Variants in ATAD2B observed in about 807,000 individuals in gnomAD.
ATAD2B encodes ATPase family AAA domain containing 2B, also known as ATPase family AAA domain-containing protein 2B.
ATAD2B carries 40 observed loss-of-function variants against 167.6 expected under a neutral mutation model. The observed-to-expected ratio is 0.24, with a 90% CI of 0.19 to 0.31. The LOEUF (loss-of-function observed/expected upper bound fraction) is 0.31, where lower values mean the gene tolerates loss of function less well. Among genes scored for constraint, ATAD2B ranks in the 10% least tolerant of loss-of-function variants. The pLI, the probability that ATAD2B is intolerant of heterozygous loss-of-function variation, is 1.00. For synonymous variants in ATAD2B, 579 were observed against 596.5 expected, an observed-to-expected ratio of 0.97 and a Z score of 0.43; for missense variants, 1,242 against 1,757.2, an observed-to-expected ratio of 0.71 and a Z score of 5.24.
intron 19 of ATAD2B, among the ~76,000 whole-genome samples, chr2:23,791,311 T>C (rs1284708209): frequency 2.0e-5 from 3 of 152,186 alleles, no homozygotes; most frequent in Non-Finnish European, 4.4e-5. Context: ...AGGAGTGGAA[T>C]TGCTGAGTCA....
At chr2:23,922,193 G>C (rs1704034128) in intron 1 of ATAD2B, among the ~76,000 whole-genome samples, 1 of 152,098 alleles carries the variant, frequency 6.6e-6, no homozygotes. Flanking sequence ...CCAGCAAACA[G>C]ACCTAACAAT....
intron 1 of ATAD2B, among the ~76,000 whole-genome samples, chr2:23,916,637 A>C (rs948954298): frequency 1.2e-4 from 19 of 152,290 alleles, no homozygotes; most frequent in African/African-American, 4.1e-4. Flanking sequence ...AAATCTCTAA[A>C]ATAATATCCT....
the ATAD2B span, among the ~76,000 whole-genome samples, chr2:23,685,702 C>T: frequency 6.6e-6 from 1 of 152,234 alleles, no homozygotes; most frequent in Non-Finnish European, 1.5e-5. Context: ...GGTCTCCTGC[C>T]CCCGGTGCTT....
chr2:23,709,825 C>T, the ATAD2B span, among the ~76,000 whole-genome samples: 1 of 152,202 alleles, frequency 6.6e-6, no homozygotes, highest in Admixed American at 6.5e-5. Context: ...GAAATTATAA[C>T]TTGAGATAAA....
At chr2:23,847,260 C>T (rs1467915251) in intron 13 of ATAD2B, among the ~76,000 whole-genome samples, 1 of 150,172 alleles carries the variant, frequency 6.7e-6, no homozygotes, top group African/African-American at 2.5e-5. Context: ...AATCCCAGCA[C>T]TTTGGGAGGC....
chr2:23,823,290 T>C lies in ATAD2B; in HGVS notation c.2099A>G (p.His700Arg), dbSNP rs1321297396. The change falls in exon 16 of 28, where the codon CAT (histidine) becomes CGT (arginine). Residue 700 changes from histidine (H) to arginine (R), a missense_variant. This residue lies in a region of ATAD2B where 145 missense variants were observed against 181.9 expected (regional missense o/e 0.80). Coordinates refer to ENST00000238789, the MANE Select transcript of ATAD2B (RefSeq NM_017552.4). ...ILAVLQKVFP[H>R]AEISQSDKKE... is the part of the protein sequence containing the mutation. ...TTTGTCACTCTGGCTAATTTCAGCA[T>C]GAGGAAACACTTTTTGCAAGACTGC... 3 of 1,612,586 alleles carry C rather than the reference T, an allele frequency of 1.9e-6. No individual in the cohort carries two copies. The highest frequency in any genetic ancestry group is 2.5e-6 in the Non-Finnish European group (3 of 1,178,954).
the ATAD2B span, among the ~76,000 whole-genome samples, chr2:23,684,956 C>T: frequency 6.6e-6 from 1 of 152,226 alleles, no homozygotes; most frequent in African/African-American, 2.4e-5. This position sits in a 1 kb window ranked among gnomAD's most constrained non-coding sequence, Gnocchi z 4.4. Flanking sequence ...TCCCTGCTGT[C>T]GGTGGTGACT....
At chr2:23,741,007 A>C in the ATAD2B span, among the ~76,000 whole-genome samples, 1 of 152,312 alleles carries the variant, frequency 6.6e-6, no homozygotes, top group South Asian at 2.1e-4. Flanking sequence ...GATGTGAAGG[A>C]CCTCTTCAAG....
chr2:23,909,075 T>C (rs1701885384), intron 1 of ATAD2B, among the ~76,000 whole-genome samples: 1 of 150,310 alleles, frequency 6.7e-6, no homozygotes, highest in African/African-American at 2.5e-5. Flanking sequence ...GGCACATGTA[T>C]ACATATGTAA....
chr2:23,741,031 C>G, the ATAD2B span, among the ~76,000 whole-genome samples: 25 of 152,182 alleles, frequency 1.6e-4, no homozygotes, highest in African/African-American at 5.8e-4. Flanking sequence ...AACTACAAAC[C>G]ACTGCTCAAT....
At chr2:23,775,642 G>A (rs547783691) in intron 22 of ATAD2B, among the ~76,000 whole-genome samples, 1 of 152,300 alleles carries the variant, frequency 6.6e-6, no homozygotes, top group Non-Finnish European at 1.5e-5. Context: ...ACTCCCAGTA[G>A]AGGCGATACA....
At chr2:23,860,934 G>A (rs1057143825) in intron 12 of ATAD2B, among the ~76,000 whole-genome samples, 1 of 152,096 alleles carries the variant, frequency 6.6e-6, no homozygotes, top group African/African-American at 2.4e-5. Flanking sequence ...TCACGCCATT[G>A]CACTCCAGCC....
the ATAD2B span, among the ~76,000 whole-genome samples, chr2:23,715,438 G>T: frequency 6.6e-6 from 1 of 152,040 alleles, no homozygotes; most frequent in Non-Finnish European, 1.5e-5. Context: ...GCCAGGCATG[G>T]TGGCAGGCGC....
In ATAD2B at chr2:23,903,072, A is replaced by G. The variant is rs146328247; in HGVS notation, c.217-7102T>C. ...CAAAATGGCAAGACCGTGTCTCTAC[A>G]AAAATATAGAAAAATTAGCCAGGTG... On this transcript the variant is annotated intron_variant, in intron 1 of 27. Transcript: ENST00000238789. Among the ~76,000 whole-genome samples, 132 of 152,004 alleles carry G rather than the reference A, an allele frequency of 8.7e-4. 1 individual carries two copies. Among genetic ancestry groups the G allele is most frequent in the African/African-American group, 3.0e-3 (126 of 41,474 alleles).
At chr2:23,717,522 T>C in the ATAD2B span, among the ~76,000 whole-genome samples, 1 of 151,890 alleles carries the variant, frequency 6.6e-6, no homozygotes, top group African/African-American at 2.4e-5. Flanking sequence ...GGGAGCAAAG[T>C]GAGATTTCAG....
intron 7 of ATAD2B, among the ~76,000 whole-genome samples, chr2:23,877,855 CA>C (rs1314301041): frequency 1.4e-5 from 2 of 141,552 alleles, no homozygotes; most frequent in Admixed American, 7.1e-5. Context: ...GAGACTATCT[CA>C]AAAAAAAAGA....
At chr2:23,906,506 G>A (rs949123687) in intron 1 of ATAD2B, among the ~76,000 whole-genome samples, 2 of 152,130 alleles carry the variant, frequency 1.3e-5, no homozygotes, top group Non-Finnish European at 2.9e-5. Flanking sequence ...TTCTGTAGAT[G>A]TCTATTAGGT....
chr2:23,710,154 A>C, the ATAD2B span, among the ~76,000 whole-genome samples: 1 of 123,646 alleles, frequency 8.1e-6, no homozygotes, highest in South Asian at 2.7e-4. Context: ...AGAAGAGAAC[A>C]GTCAGGAAAA....
chr2:23,824,505 T>C (rs1248134532), intron 15 of ATAD2B, among the ~76,000 whole-genome samples: 4 of 152,226 alleles, frequency 2.6e-5, no homozygotes, highest in Non-Finnish European at 4.4e-5. Flanking sequence ...GTTACTCCCA[T>C]AATTATCATT....
Sources: gnomAD v4.1 joint callset for allele counts (sites outside exome capture counted in the v4.1 genomes callset) on GRCh38, gnomAD v4.1.1 for gene constraint, gnomAD v4.1.1 regional missense constraint, Gnocchi (gnomAD v3.1) non-coding constraint, MANE v1.5 for transcripts, NCBI Gene and HGNC (gene_info 2026-07-23, HGNC 2026-07-21) for gene names.